MET: variants seen among roughly 807,000 people sequenced by gnomAD.
The protein encoded by MET is MET proto-oncogene, receptor tyrosine kinase, also known as hepatocyte growth factor receptor.
In MET, 48 loss-of-function variants were observed where a neutral mutation model predicts 133.1. The observed-to-expected ratio is 0.36, with a 90% confidence interval of 0.29 to 0.46. The LOEUF is 0.46. Ranked by LOEUF, MET falls within the 20% of genes least tolerant of loss-of-function variation. The pLI is 1.00. For synonymous variants in MET, 628 were observed against 616.5 expected (o/e 1.02, Z -0.28); for missense variants, 1,442 against 1,695.9 (o/e 0.85, Z 2.63).
intron 2 of MET, among the ~76,000 whole-genome samples, chr7:116,718,386 T>A (rs1388579075): frequency 6.6e-6 from 1 of 151,678 alleles, no homozygotes. Flanking sequence ...AGACTCCATC[T>A]CAAAATAAAT....
intron 2 of MET, among the ~76,000 whole-genome samples, chr7:116,702,399 T>C (rs934731633): frequency 3.3e-5 from 5 of 152,110 alleles, no homozygotes; most frequent in Non-Finnish European, 5.9e-5. Context: ...ATTCTCTCTC[T>C]CCATATACCC....
At chr7:116,721,972 G>T (rs1191034725) in intron 2 of MET, among the ~76,000 whole-genome samples, 1 of 150,496 alleles carries the variant, frequency 6.6e-6, no homozygotes, top group Non-Finnish European at 1.5e-5. Context: ...TTGATTTGGG[G>T]TGGAGAGTTC....
At position 116,673,921 on chromosome 7, in the gene MET, TC is replaced by T. The variant is rs557646318; in HGVS notation, c.-15+1345del. ...AGTCTGTGGTGTATTCAATGTTCAT[TC>T]TTTTTGAACTGCTGAATAACAGAGG... On this transcript the variant is annotated intron_variant, in intron 1 of 20. Transcript: ENST00000397752. Among the ~76,000 whole-genome samples, 83 of 152,342 alleles carry T rather than the reference TC, an allele frequency of 5.4e-4. 1 individual carries two copies. The South Asian group carries it at 0.017, about 30-fold the overall frequency.
At position 116,778,870 on chromosome 7, in the gene MET, C is replaced by G. The variant is rs2117046864; in HGVS notation, c.3435C>G (p.Ile1145Met). 6.2e-7 allele frequency: 1 copy of G among 1,614,066 alleles called. No homozygotes were observed. ...SHPNVLSLLGICLRSEGSPLV... is the reference protein window; with the variant it reads ...SHPNVLSLLGMCLRSEGSPLV... ...CCAATGTCCTCTCGCTCCTGGGAAT[C>G]TGCCTGCGAAGTGAAGGGTCTCCGC... Residue 1145 changes from isoleucine to methionine, a missense_variant, in exon 17 of 21, where the codon ATC (isoleucine) becomes ATG (methionine). Transcript: ENST00000397752.
At chr7:116,745,906 C>T (rs1793658225) in intron 5 of MET, among the ~76,000 whole-genome samples, 1 of 152,108 alleles carries the variant, frequency 6.6e-6, no homozygotes, top group Non-Finnish European at 1.5e-5. Context: ...AAAGCAATGG[C>T]AACAAAAGCC....
chr7:116,681,932 T>C (rs1404770724), intron 1 of MET, among the ~76,000 whole-genome samples: 3 of 146,448 alleles, frequency 2.0e-5, no homozygotes, highest in Non-Finnish European at 4.4e-5. Context: ...AAGCAGAGAT[T>C]GTTGACAAAA....
chr7:116,797,231 T>A lies in MET; in HGVS notation c.*1107T>A, dbSNP rs1452115032. Reference sequence around the variant, plus strand: ...ATTTGTTGATAAATATTTTTAAAGATAACTCAGCATGTTTGTAAAGCAGGA... The same window carrying A: ...ATTTGTTGATAAATATTTTTAAAGAAAACTCAGCATGTTTGTAAAGCAGGA... On this transcript the variant is annotated 3_prime_UTR_variant, in exon 21 of 21. Coordinates refer to ENST00000397752, the MANE Select transcript of MET (RefSeq NM_000245.4). 4.7e-6 allele frequency: 1 copy of A among 212,342 alleles called. No homozygotes were observed. The highest frequency in any genetic ancestry group is 9.5e-6 in the Non-Finnish European group (1 of 105,102). 13.2% of individuals were successfully genotyped at this position (212,342 alleles called of 1,614,324 possible). A position where few individuals can be genotyped will look rare whatever the true frequency, so the allele number is the denominator to read the frequency against.
At chr7:116,736,646 A>G (rs986046831) in intron 3 of MET, among the ~76,000 whole-genome samples, 4 of 152,190 alleles carry the variant, frequency 2.6e-5, no homozygotes, top group Admixed American at 6.5e-5. Flanking sequence ...TGTCCTATCT[A>G]CAAGGGGCTA....
chr7:116,790,594 G>T (rs1795456144), intron 19 of MET, among the ~76,000 whole-genome samples: 1 of 152,128 alleles, frequency 6.6e-6, no homozygotes, highest in Admixed American at 6.6e-5. Flanking sequence ...TTCTCTTTGA[G>T]ATCCTTTTTT....
At chr7:116,748,136 C>T (rs1183001020) in intron 5 of MET, among the ~76,000 whole-genome samples, 10 of 151,964 alleles carry the variant, frequency 6.6e-5, no homozygotes, top group Non-Finnish European at 1.5e-4. Context: ...CCCAGCTACT[C>T]GGGAGGCTGA....
chr7:116,700,316 G>A (rs775636278), intron 2 of MET, 32 bp downstream of exon 2: 4 of 1,588,068 alleles, frequency 2.5e-6, no homozygotes, highest in Non-Finnish European at 3.4e-6. Flanking sequence ...CTTATAAACT[G>A]TGAGGTATAA....
At chr7:116,686,528 C>A (rs1341144290) in intron 1 of MET, among the ~76,000 whole-genome samples, 1 of 152,162 alleles carries the variant, frequency 6.6e-6, no homozygotes, top group Non-Finnish European at 1.5e-5. Flanking sequence ...TTGTCCCCAG[C>A]TAAAAAGTAA....
At chr7:116,759,693 C>A in intron 10 of MET, 1 of 630,814 alleles carries the variant, frequency 1.6e-6, no homozygotes, top group Non-Finnish European at 2.9e-6. Flanking sequence ...AATACATACA[C>A]ATACACACAT....
chr7:116,778,156 G>A (rs1413494415), intron 16 of MET, among the ~76,000 whole-genome samples: 1 of 152,148 alleles, frequency 6.6e-6, no homozygotes, highest in Non-Finnish European at 1.5e-5. Flanking sequence ...CATAATTACA[G>A]CCATAAATTA....
chr7:116,674,256 C>G (rs1284548526), intron 1 of MET, among the ~76,000 whole-genome samples: 1 of 152,082 alleles, frequency 6.6e-6, no homozygotes, highest in Non-Finnish European at 1.5e-5. Context: ...AAAAAATGTA[C>G]CAGATTAATC....
chr7:116,758,887 A>C (rs1240353665), intron 9 of MET, among the ~76,000 whole-genome samples: 1 of 152,228 alleles, frequency 6.6e-6, no homozygotes, highest in African/African-American at 2.4e-5. Context: ...GTGGCATTGT[A>C]GTATACATGC....
At chr7:116,685,914 A>C (rs1796535561) in intron 1 of MET, among the ~76,000 whole-genome samples, 2 of 152,064 alleles carry the variant, frequency 1.3e-5, no homozygotes, top group African/African-American at 4.8e-5. Context: ...GGCATGTGAC[A>C]AAATAGCTCT....
chr7:116,724,665 T>C (rs1448273895), intron 2 of MET: 1 of 470,854 alleles, frequency 2.1e-6, no homozygotes, highest in Non-Finnish European at 4.1e-6. Flanking sequence ...CAGTTTTTTT[T>C]ACTCCTTGGA....
chr7:116,725,207 T>C (rs776673450), intron 2 of MET, among the ~76,000 whole-genome samples: 39 of 152,188 alleles, frequency 2.6e-4, no homozygotes, highest in Non-Finnish European at 4.1e-4. Flanking sequence ...TCTTCATCTG[T>C]AAAATTATAA....
Sources: gnomAD v4.1 joint callset for allele counts (sites outside exome capture counted in the v4.1 genomes callset) on GRCh38, gnomAD v4.1.1 for gene constraint, MANE v1.5 for transcripts, NCBI Gene and HGNC (gene_info 2026-07-23, HGNC 2026-07-21) for gene names.